Variants in PER1 observed in about 807,000 individuals in gnomAD.
PER1 encodes period circadian regulator 1.
In PER1, 87 loss-of-function variants were observed where a neutral mutation model predicts 125.9. The ratio of observed to expected loss-of-function variants is 0.69; its 90% CI spans 0.58 to 0.83. The LOEUF is 0.83. Among genes scored for constraint, PER1 ranks in the 40% least tolerant of loss-of-function variants. The pLI, the probability that PER1 is intolerant of heterozygous loss-of-function variation, is 0.00. For synonymous variants in PER1, 801 were observed against 714.7 expected, an observed-to-expected ratio of 1.12 and a Z score of -1.93; for missense variants, 1,775 against 1,722.8, an observed-to-expected ratio of 1.03 and a Z score of -0.54.
At position 8,149,776 on chromosome 17, in the gene PER1, A is replaced by C; in HGVS notation, c.630T>G (p.Ser210=). ...TGACCTGGTTCTGAAGTGTGTACTC[A>C]GACGTGATGTGCTCCAGCTCCTCCA... ...YTLEELEHIT[S]EYTLQNQDTF... Residue 210 remains serine, a synonymous_variant, in exon 5 of 23, where the codon TCT becomes TCG. Coordinates refer to ENST00000317276, the MANE Select transcript of PER1 (RefSeq NM_002616.3). 2.5e-6 allele frequency: 4 copies of C among 1,613,184 alleles called. No homozygotes were observed. Among genetic ancestry groups the C allele is most frequent in the Non-Finnish European group, 3.4e-6 (4 of 1,180,000 alleles).
In PER1 at chr17:8,144,776, T is replaced by G. The variant is rs375053613; in HGVS notation, c.2436A>C (p.Thr812=). 256 of 1,580,210 alleles carry G rather than the reference T, an allele frequency of 1.6e-4. No individual in the cohort carries two copies. Among genetic ancestry groups the G allele is most frequent in the Admixed American group, 3.6e-5 (2 of 55,896 alleles). The change falls in exon 18 of 23, where the codon ACA becomes ACC. Residue 812 remains threonine, a synonymous_variant. Transcript: ENST00000317276. The part of the protein sequence containing the change: ...GRLRGLDSSS[T]APSALGERGC... ...CTCGCTCGCCAAGGGCTGAGGGAGC[T>G]GTGGAAGAGCTGTCGAGTCCACGCA...
intron 17 of PER1, 23 bp downstream of exon 17, chr17:8,145,935 G>GC (rs762627196): frequency 2.5e-6 from 4 of 1,570,878 alleles, no homozygotes; most frequent in Middle Eastern, 1.7e-4. Flanking sequence ...CCCAAGCACT[G>GC]CCCCCCAATT....
In PER1 at chr17:8,142,759, T is replaced by C; in HGVS notation, c.3149A>G (p.Asp1050Gly). 3.1e-6 allele frequency: 5 copies of C among 1,613,318 alleles called. No individual in the cohort carries two copies. Among genetic ancestry groups the C allele is most frequent in the Non-Finnish European group, 4.2e-6 (5 of 1,179,888 alleles). ...SDLLELLLQE[D>G]SRSGTGSAAS... ...TGCGGAGCCTGTGCCGGAGCGCGAGTCCTCTTGCAGCAGAAGTTCGAGCAG... is the reference window on the plus strand; with the variant it reads ...TGCGGAGCCTGTGCCGGAGCGCGAGCCCTCTTGCAGCAGAAGTTCGAGCAG... Residue 1050 changes from aspartate to glycine, a missense_variant, in exon 20 of 23, where the codon GAC becomes GGC. Physicochemically the swap from Asp to Gly is moderately conservative, Grantham distance 94. Transcript: ENST00000317276.
intron 19 of PER1, 64 bp downstream of exon 19, chr17:8,143,202 C>T (rs1568023987): frequency 9.3e-6 from 11 of 1,188,106 alleles, no homozygotes. Flanking sequence ...GCAGGCAGCA[C>T]AGGGTGGCAG....
intron 22 of PER1, 83 bp downstream of exon 22, chr17:8,141,722 C>T (rs1982089350): frequency 6.7e-7 from 1 of 1,499,536 alleles, no homozygotes; most frequent in Non-Finnish European, 9.1e-7. Context: ...TTTTTCTCCC[C>T]CTTGAACTTG....
rs899748634 is a variant in PER1 at position 8,147,907 on chromosome 17, G to A, written c.1235-80C>T. On this transcript the variant is annotated intron_variant, in intron 10 of 22. Transcript: ENST00000317276. ...GGAGGCCATGCCACTAGAGATCCAG[G>A]AGACCAAGGCACCAAGAGACACAAC... 10 of 1,589,580 alleles carry A rather than the reference G, an allele frequency of 6.3e-6. No individual in the cohort carries two copies. In the African/African-American group the frequency reaches 1.2e-4, roughly 19 times the overall value.
Position 8,141,269 on chromosome 17 carries a change from A to G in PER1, c.3672T>C (p.Asp1224=). Residue 1224 remains aspartate (D), a synonymous_variant, in exon 23 of 23, where the codon GAT becomes GAC. Transcript: ENST00000317276. ...CTTCCATGGGCTCCAGCCCCAGTCC[A>G]TCCAGCTCTGAGAAGAGTGGGTCAT... is the stretch of plus-strand genomic sequence containing the variant. The part of the protein sequence containing the change: ...HPDDPLFSEL[D]GLGLEPMEEG... 2 of 1,614,070 alleles carry G rather than the reference A, an allele frequency of 1.2e-6. No individual in the cohort carries two copies. Among genetic ancestry groups the G allele is most frequent in the Non-Finnish European group, 1.7e-6 (2 of 1,180,018 alleles).
At chr17:8,148,312 C>G (rs1982592489) in intron 8 of PER1, 53 bp from the exon 9 acceptor site, 1 of 1,443,950 alleles carries the variant, frequency 6.9e-7, no homozygotes, top group Non-Finnish European at 9.7e-7. Flanking sequence ...CCCAACTCCT[C>G]AGCCCTCCAC....
chr17:8,144,603 G>C (rs757228081), intron 18 of PER1, 148 bp downstream of exon 18: 9 of 1,076,860 alleles, frequency 8.4e-6, no homozygotes, highest in Non-Finnish European at 1.2e-5. Context: ...AGAAGCTAGC[G>C]AGGGGCCTGT....
chr17:8,147,810 G>A lies in PER1; in HGVS notation c.1252C>T (p.Gln418Ter). 1 of 1,613,926 alleles carries A rather than the reference G, an allele frequency of 6.2e-7. No individual in the cohort carries two copies. The highest frequency in any genetic ancestry group is 8.5e-7 in the Non-Finnish European group (1 of 1,179,988). ...IHKKILQLAGQPFDHSPIRFC... is the reference protein window; with the variant it reads ...IHKKILQLAG ...CGGATAGGGGAGTGGTCAAAGGGCTGGCCCGCCAACTGCAGAACTGATGGA... is the reference window on the plus strand; with the variant it reads ...CGGATAGGGGAGTGGTCAAAGGGCTAGCCCGCCAACTGCAGAACTGATGGA... Residue 418 changes from glutamine to a stop codon, truncating the protein, a stop_gained, in exon 11 of 23, where the codon CAG (glutamine) becomes TAG (stop). Coordinates refer to ENST00000317276, the MANE Select transcript of PER1 (RefSeq NM_002616.3). LOFTEE classifies it high-confidence loss of function.
In PER1 at chr17:8,147,592, A is replaced by T; in HGVS notation, c.1389-14T>A. The T allele has an allele frequency of 6.2e-7, 1 of 1,613,288 alleles. No homozygotes were observed. Among genetic ancestry groups the T allele is most frequent in the Non-Finnish European group, 8.5e-7 (1 of 1,179,510 alleles). On this transcript the variant is annotated splice_polypyrimidine_tract_variant and intron_variant, in intron 11 of 22. Coordinates refer to ENST00000317276, the MANE Select transcript of PER1 (RefSeq NM_002616.3). Reference sequence around the variant, plus strand: ...TTCAGGGGGGCCCTGTAGAGTGAAGAGTGAATCCAGCCCTGGCCCGGTCCT... The same window carrying T: ...TTCAGGGGGGCCCTGTAGAGTGAAGTGTGAATCCAGCCCTGGCCCGGTCCT...
chr17:8,142,244 CAAG>C lies in PER1; in HGVS notation c.3449+22_3449+24del, dbSNP rs373270257. On this transcript the variant is annotated intron_variant, in intron 21 of 22. Transcript: ENST00000317276. Reference sequence around the variant, plus strand: ...CCACTACTACCTCTGAAAGGAAGGCCAAGAAGGCCTCTGAAATGCCTCACCTGG... The same window carrying C: ...CCACTACTACCTCTGAAAGGAAGGCCAAGGCCTCTGAAATGCCTCACCTGG... The C allele has an allele frequency of 5.3e-4, 831 of 1,554,960 alleles. 4 individuals carry two copies. In the African/African-American group the frequency reaches 0.01, roughly 19 times the overall value.
intron 18 of PER1, 174 bp from the exon 19 acceptor site, chr17:8,144,050 C>A: frequency 1.0e-6 from 1 of 971,432 alleles, no homozygotes; most frequent in Non-Finnish European, 1.4e-6. Flanking sequence ...GGAAGAATCA[C>A]AGGAGCCAGG....
At position 8,146,354 on chromosome 17, in the gene PER1, G is replaced by C. The variant is rs376798547; in HGVS notation, c.2038+18C>G. 5 of 1,587,088 alleles carry C rather than the reference G, an allele frequency of 3.2e-6. No homozygotes were observed. The African/African-American group carries it at 6.7e-5, about 21-fold the overall frequency. ...GGCCAGGACGGGGCAGTGGGAGCAG[G>C]GTGCATTGGATCTTTACCTTTCTTG... On this transcript the variant is annotated intron_variant, in intron 16 of 22. Coordinates refer to ENST00000317276, the MANE Select transcript of PER1 (RefSeq NM_002616.3).
rs1340680366 is a variant in PER1, at chr17:8,142,977, A to C, written c.3073-142T>G. The C allele has an allele frequency of 4.4e-6, 3 of 675,906 alleles. No homozygotes were observed. In the African/African-American group the frequency reaches 5.4e-5, roughly 12 times the overall value. The allele number at this position is 675,906 out of a possible 1,614,324, so 41.9% of individuals were successfully genotyped here. On this transcript the variant is annotated intron_variant, in intron 19 of 22. Coordinates refer to ENST00000317276, the MANE Select transcript of PER1 (RefSeq NM_002616.3). ...ACTTCGTGACAGTAGGGCCAGGCTG[A>C]GAGAGAAGAAAGCTGGCGAAGAGTG...
At chr17:8,148,369 C>T (rs1982595800) in intron 8 of PER1, 110 bp from the exon 9 acceptor site, 1 of 963,578 alleles carries the variant, frequency 1.0e-6, no homozygotes, top group Non-Finnish European at 1.6e-6. Context: ...CAGCTCTGCC[C>T]CGGGCACTAT....
Position 8,145,999 on chromosome 17 carries a change from G to A in PER1, c.2177C>T (p.Ser726Phe). 1 of 1,613,414 alleles carries A rather than the reference G, an allele frequency of 6.2e-7. No individual in the cohort carries two copies. The highest frequency in any genetic ancestry group is 8.5e-7 in the Non-Finnish European group (1 of 1,179,616). Residue 726 changes from serine to phenylalanine, a missense_variant, in exon 17 of 23, where the codon TCC becomes TTC. Transcript: ENST00000317276. ...VSVTSQCSFS[S>F]TIVHVGDKKP... is the part of the protein sequence containing the mutation. Reference sequence around the variant, plus strand: ...CTTGTCTCCCACATGGACGATGGTGGAGCTGAAGCTACACTGACTGGTGAC... The same window carrying A: ...CTTGTCTCCCACATGGACGATGGTGAAGCTGAAGCTACACTGACTGGTGAC...
chr17:8,146,096 G>C lies in PER1; in HGVS notation c.2080C>G (p.Arg694Gly). The change falls in exon 17 of 23, where the codon CGG becomes GGG. Residue 694 changes from arginine to glycine, a missense_variant. By Grantham distance (125) the Arg-to-Gly change is moderately radical (BLOSUM62 -2). Coordinates refer to ENST00000317276, the MANE Select transcript of PER1 (RefSeq NM_002616.3). ...AALSGEGATPRKEPVVGGTLS... is the reference protein window; with the variant it reads ...AALSGEGATPGKEPVVGGTLS... ...GTGCCTCCCACCACTGGCTCCTTCC[G>C]TGGGGTGGCCCCCTCCCCAGACAGC... is the stretch of plus-strand genomic sequence containing the variant. The C allele has an allele frequency of 6.2e-7, 1 of 1,612,270 alleles. No individual in the cohort carries two copies. Among genetic ancestry groups the C allele is most frequent in the Non-Finnish European group, 8.5e-7 (1 of 1,179,148 alleles).
intron 21 of PER1, 67 bp from the exon 22 acceptor site, chr17:8,142,022 G>A (rs768592209): frequency 3.8e-6 from 6 of 1,594,998 alleles, no homozygotes; most frequent in Non-Finnish European, 5.1e-6. Context: ...CCATGAAGCT[G>A]GCATCCTTCC....
Sources: gnomAD v4.1 joint callset for allele counts on GRCh38, gnomAD v4.1.1 for gene constraint, MANE v1.5 for transcripts, NCBI Gene and HGNC (gene_info 2026-07-23, HGNC 2026-07-21) for gene names.